The following PUDP variants were observed in gnomAD, a reference collection of about 807,000 sequenced individuals.
PUDP encodes pseudouridine-5'-phosphatase.
In PUDP, 8 loss-of-function variants were observed where a neutral mutation model predicts 9.4. The ratio of observed to expected loss-of-function variants is 0.85; its 90% confidence interval spans 0.50 to 1.53. The LOEUF (loss-of-function observed/expected upper bound fraction) is 1.53. Ranked by LOEUF, PUDP falls within the 40% of genes most tolerant of loss-of-function variation. PUDP has a pLI of 0.00. For missense variants in PUDP, 188 were observed against 189.7 expected (o/e 0.99, Z 0.05); for synonymous variants, 99 against 80.7 (o/e 1.23, Z -1.22).
chrX:7,027,860 CTATA>C (rs772763532), intron 1 of PUDP, among the ~76,000 whole-genome samples: 3,411 of 83,836 alleles, frequency 0.041, 212 homozygotes, highest in African/African-American at 0.15. Context: ...TATATATAGA[CTATA>C]TATATAGAAT....
intron 3 of PUDP, among the ~76,000 whole-genome samples, chrX:6,765,224 G>A: frequency 9.0e-6 from 1 of 111,371 alleles, no homozygotes. Context: ...AGGTTGCAGT[G>A]AGCCAACATC....
At chrX:7,113,965 C>G (rs755541348) in intron 1 of PUDP, among the ~76,000 whole-genome samples, 18 of 111,569 alleles carry the variant, frequency 1.6e-4, no homozygotes, top group East Asian at 2.9e-4. Flanking sequence ...TTGGGAGGGC[C>G]TTCTTGCTGG....
At chrX:6,742,750 G>A (rs1267768496) in intron 3 of PUDP, among the ~76,000 whole-genome samples, 1 of 111,608 alleles carries the variant, frequency 9.0e-6, no homozygotes, top group African/African-American at 3.3e-5. Context: ...ACTCCAGCCT[G>A]AGCGATAGAG....
intron 3 of PUDP, among the ~76,000 whole-genome samples, chrX:6,799,865 T>C (rs182074231): frequency 8.9e-6 from 1 of 111,896 alleles, no homozygotes; most frequent in Admixed American, 9.5e-5. Context: ...AAAATAACAT[T>C]GGGCTTTAAC....
chrX:7,005,506 C>T (rs986827812), intron 1 of PUDP, among the ~76,000 whole-genome samples: 13 of 109,445 alleles, frequency 1.2e-4, no homozygotes, highest in Non-Finnish European at 1.5e-4. Context: ...ACCTCCTGGG[C>T]TCAAGCAATC....
chrX:6,806,233 AT>A (rs949587971), intron 3 of PUDP, among the ~76,000 whole-genome samples: 1 of 112,038 alleles, frequency 8.9e-6, no homozygotes, highest in East Asian at 2.8e-4. Flanking sequence ...TCATTTTAAT[AT>A]TTTTTTACCT....
intron 3 of PUDP, among the ~76,000 whole-genome samples, chrX:6,878,918 G>C (rs1927305101): frequency 9.0e-6 from 1 of 111,340 alleles, no homozygotes; most frequent in South Asian, 3.8e-4. Flanking sequence ...CTAACCATCA[G>C]AGCTATTGCT....
chrX:6,732,486 A>G (rs1924820724), intron 3 of PUDP, among the ~76,000 whole-genome samples: 1 of 110,265 alleles, frequency 9.1e-6, no homozygotes, highest in Admixed American at 9.7e-5. Context: ...AAAACTCATT[A>G]ATTTATATTT....
At chrX:6,941,582 G>A (rs951549123) in intron 3 of PUDP, among the ~76,000 whole-genome samples, 2 of 110,339 alleles carry the variant, frequency 1.8e-5, no homozygotes, top group African/African-American at 6.6e-5. Context: ...TCCCACCTTG[G>A]CCTCCCAAAG....
chrX:6,939,379 TAA>T (rs990315879), intron 3 of PUDP, among the ~76,000 whole-genome samples: 1 of 106,953 alleles, frequency 9.3e-6, no homozygotes, highest in African/African-American at 3.3e-5. Flanking sequence ...TTAATATTAT[TAA>T]TATATATTAT....
chrX:6,984,445 A>G (rs1929078199), intron 1 of PUDP, among the ~76,000 whole-genome samples: 1 of 112,141 alleles, frequency 8.9e-6, no homozygotes, highest in African/African-American at 3.2e-5. Flanking sequence ...CTATTTTTTA[A>G]GGAAAAATAT....
At chrX:6,994,968 G>T (rs1929231442) in intron 1 of PUDP, among the ~76,000 whole-genome samples, 1 of 110,671 alleles carries the variant, frequency 9.0e-6, no homozygotes, top group Non-Finnish European at 1.9e-5. Context: ...AGTACTATAG[G>T]AAAAAAGTCA....
At chrX:7,093,556 G>A (rs774377944) in intron 2 of PUDP, among the ~76,000 whole-genome samples, 3 of 111,454 alleles carry the variant, frequency 2.7e-5, no homozygotes, top group Admixed American at 9.5e-5. Flanking sequence ...CCACTCCCTC[G>A]TCCTGACTGC....
chrX:6,840,918 T>TA (rs1926658480), intron 3 of PUDP, among the ~76,000 whole-genome samples: 2 of 111,253 alleles, frequency 1.8e-5, no homozygotes, highest in South Asian at 3.8e-4. Context: ...AACAAATTTC[T>TA]AAAAAATAGT....
chrX:6,816,194 A>C (rs1293381197), intron 3 of PUDP, among the ~76,000 whole-genome samples: 1 of 106,668 alleles, frequency 9.4e-6, no homozygotes, highest in African/African-American at 3.4e-5. Flanking sequence ...TTACATTTAG[A>C]ATTAGCTATA....
chrX:6,717,957 T>C (rs1479362015), intron 1 of PUDP, among the ~76,000 whole-genome samples: 1 of 112,018 alleles, frequency 8.9e-6, no homozygotes, highest in African/African-American at 3.2e-5. Context: ...TGATTAGTGA[T>C]GTTGAGCATT....
At chrX:7,116,795 T>G (rs1433332860) in intron 1 of PUDP, among the ~76,000 whole-genome samples, 1 of 111,396 alleles carries the variant, frequency 9.0e-6, no homozygotes, top group Non-Finnish European at 1.9e-5. Context: ...TGGTGGGAGG[T>G]ATACTGATCA....
intron 3 of PUDP, among the ~76,000 whole-genome samples, chrX:6,902,495 G>C (rs1286389749): frequency 8.9e-6 from 1 of 112,229 alleles, no homozygotes; most frequent in Non-Finnish European, 1.9e-5. Flanking sequence ...GAGCATGTTC[G>C]GTATAAAGAA....
intron 3 of PUDP, 139 bp from the exon 4 acceptor site, chrX:7,050,611 G>A: frequency 1.7e-6 from 1 of 573,834 alleles, no homozygotes; most frequent in East Asian, 3.6e-5. Context: ...CCAGAGTAGA[G>A]ATTGTGGTGA....
Sources: gnomAD v4.1 joint callset for allele counts (sites outside exome capture counted in the v4.1 genomes callset) on GRCh38, gnomAD v4.1.1 for gene constraint, MANE v1.5 for transcripts, NCBI Gene and HGNC (gene_info 2026-07-23, HGNC 2026-07-21) for gene names.